GNAT3: variants seen among roughly 807,000 people sequenced by gnomAD.
GNAT3 encodes G protein subunit alpha transducin 3, also known as guanine nucleotide-binding protein G(t) subunit alpha-3.
In GNAT3, 31 loss-of-function variants were observed where a neutral mutation model predicts 37.7. The ratio of observed to expected loss-of-function variants is 0.82; its 90% CI spans 0.62 to 1.11. The LOEUF is 1.11. Ranked by LOEUF, GNAT3 falls within the 50% of genes most tolerant of loss-of-function variation. The pLI is 0.00. For synonymous variants in GNAT3, 138 were observed against 139.8 expected, an observed-to-expected ratio of 0.99 and a Z score of 0.09; for missense variants, 437 against 412.5, an observed-to-expected ratio of 1.06 and a Z score of -0.51.
At chr7:80,484,693 G>T (rs1790446961) in intron 3 of GNAT3, among the ~76,000 whole-genome samples, 2 of 151,918 alleles carry the variant, frequency 1.3e-5, no homozygotes, top group African/African-American at 4.8e-5. Context: ...ATGAAGGTTT[G>T]TTACATAGGT....
intron 1 of GNAT3, among the ~76,000 whole-genome samples, chr7:80,498,644 T>C (rs1790777487): frequency 6.6e-6 from 1 of 152,150 alleles, no homozygotes; most frequent in Non-Finnish European, 1.5e-5. Flanking sequence ...GATTAGATCA[T>C]GTTACAGAGC....
chr7:80,488,469 AGTCCTCTTATT>A lies in GNAT3; in HGVS notation c.303+55_303+65del, dbSNP rs1386582898. On this transcript the variant is annotated intron_variant, in intron 3 of 7. Transcript: ENST00000398291. The stretch of plus-strand genomic sequence containing the variant: ...ATAGATTAATACTATGAACTTATTA[AGTCCTCTTATT>A]TTATGGCTCAAACTCTATTGCAGGA... 5 of 1,309,430 alleles carry A rather than the reference AGTCCTCTTATT, an allele frequency of 3.8e-6. No individual in the cohort carries two copies. In the Admixed American group the frequency reaches 8.1e-5, roughly 21 times the overall value. The allele number at this position is 1,309,430 out of a possible 1,614,324, so 81.1% of individuals were successfully genotyped here.
intron 4 of GNAT3, among the ~76,000 whole-genome samples, chr7:80,474,934 C>T (rs1790279944): frequency 6.6e-6 from 1 of 152,082 alleles, no homozygotes; most frequent in East Asian, 1.9e-4. Flanking sequence ...GTTATTTTTG[C>T]ATGAATTTGC....
chr7:80,474,101 T>C, intron 5 of GNAT3, 150 bp downstream of exon 5: 1 of 681,462 alleles, frequency 1.5e-6, no homozygotes, highest in Non-Finnish European at 2.4e-6. Flanking sequence ...AGAAGGACAG[T>C]AAAGGACAGC....
At chr7:80,497,768 C>T (rs1790761485) in intron 1 of GNAT3, among the ~76,000 whole-genome samples, 1 of 151,652 alleles carries the variant, frequency 6.6e-6, no homozygotes, top group African/African-American at 2.4e-5. Flanking sequence ...CTTGCTCATG[C>T]AGGTATGTTT....
chr7:80,488,919 T>C (rs1033373794), intron 2 of GNAT3, among the ~76,000 whole-genome samples: 2 of 152,140 alleles, frequency 1.3e-5, no homozygotes, highest in African/African-American at 4.8e-5. Flanking sequence ...ATTTGTTATT[T>C]AAAAATACTT....
rs74791770 is a variant in GNAT3, at chr7:80,485,172, T to G, written c.303+3363A>C. Among the ~76,000 whole-genome samples the G allele has an allele frequency of 5.2e-3, 613 of 117,850 alleles. 4 individuals are homozygous for G. The highest frequency in any genetic ancestry group is 0.033 in the African/African-American group (577 of 17,224). The allele number at this position is 117,850 out of a possible 152,430, so 77.3% of individuals were successfully genotyped here. On this transcript the variant is annotated intron_variant, in intron 3 of 7. Transcript: ENST00000398291. ...CAAATGAGCAGAAAATATTGTGTGT[T>G]TTTTTTTTTTAACACTCTTCCCTAG...
At chr7:80,489,168 C>T (rs1035654961) in intron 2 of GNAT3, among the ~76,000 whole-genome samples, 60 of 152,028 alleles carry the variant, frequency 3.9e-4, no homozygotes, top group African/African-American at 1.4e-3. Flanking sequence ...TTTTAGTACA[C>T]GTAATTGCCC....
At chr7:80,468,539 G>A (rs1710043654) in intron 5 of GNAT3, among the ~76,000 whole-genome samples, 1 of 152,040 alleles carries the variant, frequency 6.6e-6, no homozygotes, top group African/African-American at 2.4e-5. Context: ...TATTCAAGAT[G>A]TTAGTCTCTA....
chr7:80,492,601 A>C (rs1051154588), intron 2 of GNAT3, among the ~76,000 whole-genome samples: 5 of 151,644 alleles, frequency 3.3e-5, no homozygotes, highest in African/African-American at 1.2e-4. Context: ...ATTATCTTAA[A>C]TAGTGATATA....
At chr7:80,476,501 A>G (rs1182445734) in intron 4 of GNAT3, among the ~76,000 whole-genome samples, 1 of 149,300 alleles carries the variant, frequency 6.7e-6, no homozygotes, top group East Asian at 2.0e-4. Context: ...TCCCTGCCAT[A>G]CCCCTCTTCT....
intron 1 of GNAT3, among the ~76,000 whole-genome samples, chr7:80,498,812 A>G (rs1790779905): frequency 6.6e-6 from 1 of 152,172 alleles, no homozygotes; most frequent in Admixed American, 6.5e-5. Context: ...GAAATAGATA[A>G]TGTTACAAAT....
At chr7:80,498,216 T>C (rs1399130004) in intron 1 of GNAT3, among the ~76,000 whole-genome samples, 7 of 152,140 alleles carry the variant, frequency 4.6e-5, no homozygotes, top group Admixed American at 3.9e-4. Flanking sequence ...CACTAAGTTG[T>C]GGCATTTCCA....
At chr7:80,478,293 C>G (rs1174258809) in intron 4 of GNAT3, among the ~76,000 whole-genome samples, 1 of 152,126 alleles carries the variant, frequency 6.6e-6, no homozygotes, top group East Asian at 1.9e-4. Flanking sequence ...TTAATTAATG[C>G]TAAATGGATG....
At chr7:80,487,252 C>G (rs767482615) in intron 3 of GNAT3, among the ~76,000 whole-genome samples, 4 of 152,204 alleles carry the variant, frequency 2.6e-5, no homozygotes, top group African/African-American at 4.8e-5. Flanking sequence ...AACATGATCA[C>G]TAAGTCAGAG....
At chr7:80,509,072 T>C (rs1186578055) in intron 1 of GNAT3, among the ~76,000 whole-genome samples, 1 of 152,056 alleles carries the variant, frequency 6.6e-6, no homozygotes, top group Non-Finnish European at 1.5e-5. Context: ...GTTTCAATGA[T>C]GGGAAAAATT....
At chr7:80,460,734 T>C (rs1027368159) in intron 7 of GNAT3, among the ~76,000 whole-genome samples, 3 of 149,394 alleles carry the variant, frequency 2.0e-5, no homozygotes, top group African/African-American at 7.3e-5. Context: ...GGCAACAGGG[T>C]GAGACTCCAT....
At chr7:80,498,194 T>C (rs916076356) in intron 1 of GNAT3, among the ~76,000 whole-genome samples, 5 of 152,222 alleles carry the variant, frequency 3.3e-5, no homozygotes, top group Admixed American at 3.3e-4. Flanking sequence ...CATTTGGTAA[T>C]CATACAGATA....
intron 5 of GNAT3, among the ~76,000 whole-genome samples, chr7:80,471,270 C>G (rs1790212630): frequency 6.6e-6 from 1 of 150,934 alleles, no homozygotes; most frequent in African/African-American, 2.4e-5. Context: ...AAGGATGGGT[C>G]TGCCTTTCCC....
Sources: allele counts gnomAD v4.1 joint callset (sites outside exome capture counted in the v4.1 genomes callset), GRCh38; gene constraint gnomAD v4.1.1; transcripts MANE v1.5; gene names NCBI Gene and HGNC (gene_info 2026-07-23, HGNC 2026-07-21).